Variants in RIT1 observed in about 807,000 individuals in gnomAD.
RIT1 encodes the protein Ras like without CAAX 1, also known as GTP-binding protein Rit1.
RIT1 carries 6 observed loss-of-function variants against 25.6 expected under a neutral mutation model. The ratio of observed to expected loss-of-function variants is 0.23; its 90% CI spans 0.13 to 0.46. The LOEUF (loss-of-function observed/expected upper bound fraction) is 0.46. Among genes scored for constraint, RIT1 ranks in the 20% least tolerant of loss-of-function variants. The pLI is 0.99. For missense variants in RIT1, 219 were observed against 284.4 expected (o/e 0.77, Z 1.65); for synonymous variants, 81 against 94.1 (o/e 0.86, Z 0.80).
intron 3 of RIT1, among the ~76,000 whole-genome samples, chr1:155,909,141 C>T (rs1673522619): frequency 6.6e-6 from 1 of 151,358 alleles, no homozygotes; most frequent in South Asian, 2.1e-4. Flanking sequence ...TTTGGGAGTC[C>T]GAGGTGGGCA....
chr1:155,902,679 T>TAA (rs1673336383), intron 5 of RIT1, among the ~76,000 whole-genome samples: 1 of 139,334 alleles, frequency 7.2e-6, no homozygotes. Flanking sequence ...CCGTCTCTAC[T>TAA]AAAATACAAA....
intron 4 of RIT1, 54 bp from the exon 5 acceptor site, chr1:155,904,556 C>G (rs1359315581): frequency 2.0e-6 from 3 of 1,480,670 alleles, no homozygotes; most frequent in African/African-American, 2.8e-5. Context: ...CAACTACACA[C>G]ACAATTAGCT....
rs1488082491 is a variant in RIT1, at chr1:155,898,519, ATAT to A, written c.*1866_*1868del. The A allele has an allele frequency of 7.4e-5, 6 of 80,840 alleles. No individual in the cohort carries two copies. Among genetic ancestry groups the A allele is most frequent in the South Asian group, 1.1e-3 (2 of 1,818 alleles). The allele number at this position is 80,840 out of a possible 1,614,324, so 5.0% of individuals were successfully genotyped here. A position where few individuals can be genotyped will look rare whatever the true frequency, so the allele number is the denominator to read the frequency against. On this transcript the variant is annotated 3_prime_UTR_variant, in exon 6 of 6. Transcript: ENST00000368323. Reference sequence around the variant, plus strand: ...AAAAAAAAAAAAAAAAAAAAAAAAAATATATATATATATATATATATATATCTC... The same window carrying A: ...AAAAAAAAAAAAAAAAAAAAAAAAAAATATATATATATATATATATATCTC...
chr1:155,904,688 A>G (rs1673397656), intron 4 of RIT1, 43 bp downstream of exon 4: 2 of 1,433,534 alleles, frequency 1.4e-6, no homozygotes, highest in Non-Finnish European at 2.0e-6. Flanking sequence ...CCCCTTTGCT[A>G]GAGTAAAAAA....
At chr1:155,906,374 T>C (rs1031579653) in intron 3 of RIT1, among the ~76,000 whole-genome samples, 3 of 152,200 alleles carry the variant, frequency 2.0e-5, no homozygotes, top group Non-Finnish European at 4.4e-5. Context: ...AAATCAATGC[T>C]TCTCAATTAT....
intron 3 of RIT1, among the ~76,000 whole-genome samples, chr1:155,908,311 C>T (rs1196396743): frequency 2.0e-5 from 3 of 151,220 alleles, no homozygotes; most frequent in East Asian, 2.0e-4. Flanking sequence ...AAAAATTAGC[C>T]GGGCGTGGTG....
chr1:155,903,735 G>C (rs149195005), intron 5 of RIT1, among the ~76,000 whole-genome samples: 1 of 152,168 alleles, frequency 6.6e-6, no homozygotes, highest in Non-Finnish European at 1.5e-5. Flanking sequence ...CCAGCCAGGC[G>C]CTGTGGCTCA....
intron 5 of RIT1, among the ~76,000 whole-genome samples, chr1:155,903,579 T>C (rs1213625309): frequency 1.3e-5 from 2 of 152,174 alleles, no homozygotes; most frequent in African/African-American, 4.8e-5. Context: ...TGCCATAATT[T>C]CTACTTTTGG....
rs1235277532 is a variant in RIT1 at position 155,899,876 on chromosome 1, C to G, written c.*512G>C. On this transcript the variant is annotated 3_prime_UTR_variant, in exon 6 of 6. Coordinates refer to ENST00000368323, the MANE Select transcript of RIT1 (RefSeq NM_006912.6). Reference sequence around the variant, plus strand: ...AATCTCACCACTCCATAGTCTGCAACAGGTGTCAGCCTCACAGGTATCTGC... The same window carrying G: ...AATCTCACCACTCCATAGTCTGCAAGAGGTGTCAGCCTCACAGGTATCTGC... The G allele has an allele frequency of 4.6e-6, 1 of 217,478 alleles. No individual in the cohort carries two copies. Among genetic ancestry groups the G allele is most frequent in the Non-Finnish European group, 9.3e-6 (1 of 107,816 alleles). The allele number at this position is 217,478 out of a possible 1,614,324, so 13.5% of individuals were successfully genotyped here.
At chr1:155,904,545 C>A (rs777648382) in intron 4 of RIT1, 43 bp from the exon 5 acceptor site, 1 of 1,521,426 alleles carries the variant, frequency 6.6e-7, no homozygotes, top group Non-Finnish European at 9.1e-7. Flanking sequence ...GCAATCTAGC[C>A]CAACTACACA....
rs757327468 is a variant in RIT1, at chr1:155,904,706, C to A, written c.237+25G>T. ...CTTTGCTAGAGTAAAAAAGCCTTTA[C>A]TCATAACATTCTGGGATTTAATACC... On this transcript the variant is annotated intron_variant, in intron 4 of 5. Coordinates refer to ENST00000368323, the MANE Select transcript of RIT1 (RefSeq NM_006912.6). The A allele has an allele frequency of 3.2e-6, 5 of 1,563,008 alleles. No homozygotes were observed. The South Asian group carries it at 5.6e-5, about 17-fold the overall frequency.
At chr1:155,903,923 T>C (rs949189444) in intron 5 of RIT1, among the ~76,000 whole-genome samples, 5 of 152,152 alleles carry the variant, frequency 3.3e-5, no homozygotes, top group Admixed American at 6.5e-5. Flanking sequence ...ACTGGGATGA[T>C]TGCTTGAGCT....
intron 3 of RIT1, among the ~76,000 whole-genome samples, chr1:155,906,690 G>A (rs1337043456): frequency 6.7e-6 from 1 of 149,030 alleles, no homozygotes; most frequent in Admixed American, 6.8e-5. Flanking sequence ...GAACTGGGAG[G>A]TGGAGGTTGC....
At chr1:155,910,845 ACCACGGCGACAG>A in intron 1 of RIT1, 41 bp from the exon 2 acceptor site, 1 of 1,605,104 alleles carries the variant, frequency 6.2e-7, no homozygotes, top group South Asian at 1.1e-5. Context: ...GGATGGAGAC[ACCACGGCGACAG>A]CCCTCAAGCC....
intron 3 of RIT1, 74 bp from the exon 4 acceptor site, chr1:155,904,878 AGAG>A (rs944400799): frequency 5.2e-6 from 5 of 965,472 alleles, no homozygotes; most frequent in African/African-American, 3.2e-5. Flanking sequence ...CTCATCTTAC[AGAG>A]TAGTACATTG....
intron 5 of RIT1, among the ~76,000 whole-genome samples, chr1:155,901,820 G>GA (rs946429815): frequency 4.8e-5 from 7 of 146,578 alleles, no homozygotes; most frequent in East Asian, 4.1e-4. Context: ...CCTGTCTCAA[G>GA]AAAAAAAAAA....
chr1:155,911,131 G>C (rs1673590735), intron 1 of RIT1, 112 bp downstream of exon 1: 1 of 572,510 alleles, frequency 1.7e-6, no homozygotes, highest in Non-Finnish European at 3.1e-6. Flanking sequence ...TTAGGCCGCA[G>C]GGGTTCTCTC....
chr1:155,902,163 C>T (rs1275561948), intron 5 of RIT1, among the ~76,000 whole-genome samples: 1 of 151,994 alleles, frequency 6.6e-6, no homozygotes, highest in Non-Finnish European at 1.5e-5. Flanking sequence ...GATTCTCGTT[C>T]TATATCTCAT....
intron 1 of RIT1, among the ~76,000 whole-genome samples, 153 bp downstream of exon 1, chr1:155,911,090 G>A (rs1200459936): frequency 6.6e-6 from 1 of 152,250 alleles, no homozygotes; most frequent in Non-Finnish European, 1.5e-5. Context: ...GGGACAAGGA[G>A]AAAGTTTTGG....
Sources: gnomAD v4.1 joint callset for allele counts (sites outside exome capture counted in the v4.1 genomes callset) on GRCh38, gnomAD v4.1.1 for gene constraint, MANE v1.5 for transcripts, NCBI Gene and HGNC (gene_info 2026-07-23, HGNC 2026-07-21) for gene names.